Variants in VPS54 observed in about 807,000 individuals in gnomAD.
VPS54 encodes vacuolar protein sorting-associated protein 54.
Under a neutral mutation model 121.5 loss-of-function variants are expected in VPS54, and 45 were observed. That is an observed-to-expected ratio of 0.37 (90% CI 0.29 to 0.47). VPS54 has a LOEUF of 0.47. Among genes scored for constraint, VPS54 ranks in the 20% least tolerant of loss-of-function variants. The pLI is 0.99. For synonymous variants in VPS54, 371 were observed against 385.8 expected, an observed-to-expected ratio of 0.96 and a Z score of 0.45; for missense variants, 1,090 against 1,131.4, an observed-to-expected ratio of 0.96 and a Z score of 0.52.
At chr2:63,913,078 T>C (rs1575898235) in intron 18 of VPS54, 145 bp downstream of exon 18, 3 of 629,186 alleles carry the variant, frequency 4.8e-6, no homozygotes, top group African/African-American at 3.9e-5. Context: ...GTGATGAGTA[T>C]ACATAAAAGA....
chr2:63,962,536 T>C (rs1252939447), intron 6 of VPS54, 93 bp from the exon 7 acceptor site: 5 of 1,392,360 alleles, frequency 3.6e-6, no homozygotes, highest in South Asian at 1.5e-5. Context: ...GATTTCTACA[T>C]ATACTTTAAA....
chr2:63,934,357 C>T (rs1472870825), intron 11 of VPS54, among the ~76,000 whole-genome samples: 1 of 152,090 alleles, frequency 6.6e-6, no homozygotes, highest in African/African-American at 2.4e-5. Context: ...ATTGATATGC[C>T]TGTCTAAAAG....
chr2:63,913,971 A>G, intron 17 of VPS54: 3 of 1,302,254 alleles, frequency 2.3e-6, no homozygotes, highest in Non-Finnish European at 3.0e-6. Flanking sequence ...TAACAACTCT[A>G]TGGGTGAATG....
rs575520170 is a variant in VPS54, at chr2:64,005,580, C to A, written c.-21+13358G>T. ...TCCATACTGTATCCATGAAGCGTTT[C>A]TTATATTCCTAATTAAAGGAAATGC... On this transcript the variant is annotated intron_variant, in intron 1 of 22. Transcript: ENST00000272322. Among the ~76,000 whole-genome samples the A allele has an allele frequency of 3.9e-5, 6 of 152,282 alleles. No homozygotes were observed. In the East Asian group the frequency reaches 1.2e-3, roughly 29 times the overall value.
intron 20 of VPS54, among the ~76,000 whole-genome samples, chr2:63,907,967 A>G (rs1453444730): frequency 2.0e-5 from 3 of 152,176 alleles, no homozygotes; most frequent in African/African-American, 7.2e-5. Context: ...AGGCAAAATG[A>G]TGCGTTTTAG....
intron 4 of VPS54, among the ~76,000 whole-genome samples, chr2:63,971,080 T>C (rs576480754): frequency 6.6e-5 from 10 of 152,244 alleles, no homozygotes; most frequent in African/African-American, 1.4e-4. Flanking sequence ...ACCCACCCAG[T>C]TGTCCAAGCA....
Position 63,920,007 on chromosome 2 carries a change from T to C in VPS54, c.2052-12A>G, listed in dbSNP as rs748846667. 3 of 1,598,038 alleles carry C rather than the reference T, an allele frequency of 1.9e-6. No homozygotes were observed. The highest frequency in any genetic ancestry group is 1.3e-5 in the African/African-American group (1 of 74,260). On this transcript the variant is annotated splice_polypyrimidine_tract_variant and intron_variant, in intron 14 of 22. Coordinates refer to ENST00000272322, the MANE Select transcript of VPS54 (RefSeq NM_016516.3). The stretch of plus-strand genomic sequence containing the variant: ...TGTCTAAGAGGAGGCTAGTCCACAG[T>C]AAGGAGAAAAGAAGGTAAACTTTAA...
At chr2:63,987,842 T>C (rs563986187) in intron 1 of VPS54, among the ~76,000 whole-genome samples, 1 of 152,370 alleles carries the variant, frequency 6.6e-6, no homozygotes, top group Admixed American at 6.5e-5. Flanking sequence ...TGTTGGCATA[T>C]GTAAATGATA....
intron 7 of VPS54, among the ~76,000 whole-genome samples, chr2:63,959,268 A>C (rs79659444): frequency 1.3e-5 from 2 of 152,332 alleles, no homozygotes; most frequent in East Asian, 3.9e-4. Flanking sequence ...AAACACAAAC[A>C]AAAGAATGGG....
intron 20 of VPS54, among the ~76,000 whole-genome samples, chr2:63,902,980 C>CATAACATAACAT (rs376596159): frequency 8.6e-5 from 13 of 151,420 alleles, no homozygotes; most frequent in Admixed American, 3.3e-4. Context: ...AATAACATAA[C>CATAACATAACAT]AACATAACAT....
intron 20 of VPS54, among the ~76,000 whole-genome samples, chr2:63,901,923 C>CT (rs1451463897): frequency 2.0e-5 from 3 of 152,044 alleles, no homozygotes; most frequent in Non-Finnish European, 4.4e-5. Flanking sequence ...GCTGAGGCAG[C>CT]AGAATTGCTT....
At chr2:63,977,608 T>G (rs981642271) in intron 3 of VPS54, among the ~76,000 whole-genome samples, 1 of 152,260 alleles carries the variant, frequency 6.6e-6, no homozygotes, top group Non-Finnish European at 1.5e-5. Context: ...TCTTGCATGT[T>G]GTCCATGTTT....
chr2:63,918,837 T>C (rs185728792), intron 15 of VPS54, among the ~76,000 whole-genome samples: 7 of 152,140 alleles, frequency 4.6e-5, no homozygotes, highest in South Asian at 2.1e-4. Flanking sequence ...AAGTAGGCTA[T>C]ACTTGTCTAC....
At chr2:63,893,997 T>G (rs140212641) in intron 22 of VPS54, among the ~76,000 whole-genome samples, 4 of 152,222 alleles carry the variant, frequency 2.6e-5, no homozygotes, top group African/African-American at 9.6e-5. Context: ...TACTGGATAT[T>G]TCTTTAAAAA....
intron 1 of VPS54, among the ~76,000 whole-genome samples, chr2:63,993,505 T>C (rs1677428665): frequency 6.6e-6 from 1 of 152,226 alleles, no homozygotes. Flanking sequence ...AGTGGTGTTT[T>C]CTTCCTCATT....
chr2:63,944,735 T>C (rs1674899019), intron 9 of VPS54, 80 bp from the exon 10 acceptor site: 4 of 1,221,328 alleles, frequency 3.3e-6, no homozygotes, highest in Middle Eastern at 2.5e-4. Context: ...CATTTGTACA[T>C]TAAAAAGGCC....
At chr2:63,915,151 CAAAA>C (rs5831674) in intron 16 of VPS54, among the ~76,000 whole-genome samples, 41 of 23,844 alleles carry the variant, frequency 1.7e-3, no homozygotes, top group African/African-American at 5.3e-3. Flanking sequence ...AGCTCCGTCT[CAAAA>C]AAAAAAAAAA....
At chr2:64,011,458 C>A (rs1034139513) in intron 1 of VPS54, among the ~76,000 whole-genome samples, 18 of 151,516 alleles carry the variant, frequency 1.2e-4, no homozygotes, top group African/African-American at 2.4e-5. Context: ...CCCAGCTACT[C>A]GGGAGGCTGA....
At chr2:64,009,418 C>A (rs184684785) in intron 1 of VPS54, among the ~76,000 whole-genome samples, 1 of 151,994 alleles carries the variant, frequency 6.6e-6, no homozygotes, top group Non-Finnish European at 1.5e-5. Context: ...CGGGTTCAAG[C>A]GATTCTCCTG....
Sources: allele counts gnomAD v4.1 joint callset (sites outside exome capture counted in the v4.1 genomes callset), GRCh38; gene constraint gnomAD v4.1.1; transcripts MANE v1.5; gene names NCBI Gene and HGNC (gene_info 2026-07-23, HGNC 2026-07-21).